Variants in CREB3L2 observed in about 807,000 individuals in gnomAD.
CREB3L2 encodes the protein cyclic AMP-responsive element-binding protein 3-like protein 2.
CREB3L2 carries 23 observed loss-of-function variants against 57.2 expected under a neutral mutation model. The ratio of observed to expected loss-of-function variants is 0.40; its 90% confidence interval spans 0.29 to 0.57. The LOEUF (loss-of-function observed/expected upper bound fraction) is 0.57, where lower values mean the gene tolerates loss of function less well. Among genes scored for constraint, CREB3L2 ranks in the 20% least tolerant of loss-of-function variants. The pLI, the probability that CREB3L2 is intolerant of heterozygous loss-of-function variation, is 0.42. For missense variants in CREB3L2, 628 were observed against 634.7 expected (o/e 0.99, Z 0.11); for synonymous variants, 268 against 265.1 (o/e 1.01, Z -0.11).
At chr7:138,000,024 G>A (rs997919407) in intron 1 of CREB3L2, among the ~76,000 whole-genome samples, 3 of 152,128 alleles carry the variant, frequency 2.0e-5, no homozygotes, top group African/African-American at 4.8e-5. Context: ...GTAGCATCTC[G>A]CACCTTTCCC....
At chr7:137,929,309 T>G (rs936772078) in intron 1 of CREB3L2, among the ~76,000 whole-genome samples, 1 of 152,122 alleles carries the variant, frequency 6.6e-6, no homozygotes, top group South Asian at 2.1e-4. Context: ...GGTATGAGGA[T>G]CTTCAGAGCA....
Position 137,882,549 on chromosome 7 carries a change from C to T in CREB3L2, c.1350G>A (p.Leu450=), listed in dbSNP as rs755146141. The change falls in exon 11 of 12, where the codon CTG becomes CTA. Residue 450 remains leucine (L), a synonymous_variant. Coordinates refer to ENST00000330387, the MANE Select transcript of CREB3L2 (RefSeq NM_194071.4). ...ESSSPGSAGE[L]GGWDRGSSLL... is the part of the protein sequence containing the mutation. ...GGGAGGAACCTCTATCCCAGCCCCCCAGCTCCCCAGCCGAGCCCGGGCTGG... is the reference window on the plus strand; with the variant it reads ...GGGAGGAACCTCTATCCCAGCCCCCTAGCTCCCCAGCCGAGCCCGGGCTGG... 1 of 1,613,822 alleles carries T rather than the reference C, an allele frequency of 6.2e-7. No individual in the cohort carries two copies. The highest frequency in any genetic ancestry group is 1.7e-5 in the Admixed American group (1 of 60,020).
intron 2 of CREB3L2, among the ~76,000 whole-genome samples, chr7:137,916,864 C>T (rs1014373727): frequency 6.6e-5 from 10 of 152,126 alleles, no homozygotes; most frequent in Non-Finnish European, 1.3e-4. Flanking sequence ...TGGTAACCAA[C>T]GGGAGAAGAT....
chr7:137,939,451 C>A (rs906114738), intron 1 of CREB3L2, among the ~76,000 whole-genome samples: 3 of 152,206 alleles, frequency 2.0e-5, no homozygotes, highest in African/African-American at 7.2e-5. Context: ...GCAATCTCCT[C>A]ATGTCAATGA....
intron 1 of CREB3L2, among the ~76,000 whole-genome samples, chr7:137,974,638 A>C (rs547660569): frequency 9.9e-5 from 15 of 152,212 alleles, no homozygotes; most frequent in Admixed American, 7.2e-4. Context: ...AAAGACAGGG[A>C]TAGCTCAGTT....
intron 8 of CREB3L2, among the ~76,000 whole-genome samples, chr7:137,894,350 G>A (rs147803593): frequency 3.8e-4 from 58 of 152,252 alleles, no homozygotes; most frequent in Non-Finnish European, 6.9e-4. Flanking sequence ...TCTGTCTACT[G>A]AGCAATAGAA....
chr7:137,880,373 T>G lies in CREB3L2; in HGVS notation c.*103A>C. ...CTGAAGCCACTAATGCTTGCCCATG[T>G]CTCCATGAAGATCCAGTGGCAAAGA... is the stretch of plus-strand genomic sequence containing the variant. On this transcript the variant is annotated 3_prime_UTR_variant, in exon 12 of 12. Coordinates refer to ENST00000330387, the MANE Select transcript of CREB3L2 (RefSeq NM_194071.4). This position sits in a 1 kb window ranked among gnomAD's most constrained non-coding sequence, Gnocchi z 4.0. The G allele has an allele frequency of 1.1e-6, 1 of 925,752 alleles. No individual in the cohort carries two copies. Among genetic ancestry groups the G allele is most frequent in the Non-Finnish European group, 1.7e-6 (1 of 579,192 alleles). The allele number at this position is 925,752 out of a possible 1,614,324, so 57.3% of individuals were successfully genotyped here.
chr7:137,970,733 G>A (rs74641421), intron 1 of CREB3L2, among the ~76,000 whole-genome samples: 1,708 of 152,340 alleles, frequency 0.011, 32 homozygotes, highest in African/African-American at 0.038. Flanking sequence ...ATGACTGGCA[G>A]TGTGGCCCAG....
chr7:137,897,589 T>C (rs1799654353), intron 8 of CREB3L2, among the ~76,000 whole-genome samples: 1 of 152,124 alleles, frequency 6.6e-6, no homozygotes, highest in African/African-American at 2.4e-5. Flanking sequence ...AGGTGATCTC[T>C]GACCAACAGG....
At chr7:137,966,436 A>G (rs1338853403) in intron 1 of CREB3L2, among the ~76,000 whole-genome samples, 1 of 152,202 alleles carries the variant, frequency 6.6e-6, no homozygotes, top group African/African-American at 2.4e-5. Context: ...AGGGAGAAGG[A>G]GGAGCACTAT....
chr7:137,991,010 G>T (rs1260085446), intron 1 of CREB3L2, among the ~76,000 whole-genome samples: 1 of 151,486 alleles, frequency 6.6e-6, no homozygotes, highest in Non-Finnish European at 1.5e-5. Flanking sequence ...TCTTTATTTT[G>T]TCTGGGTTTC....
At chr7:138,000,378 A>G (rs1346670851) in intron 1 of CREB3L2, among the ~76,000 whole-genome samples, 1 of 152,184 alleles carries the variant, frequency 6.6e-6, no homozygotes, top group Non-Finnish European at 1.5e-5. Context: ...CAGCAAGCAA[A>G]GCCCAGAAGA....
intron 1 of CREB3L2, among the ~76,000 whole-genome samples, chr7:137,971,463 A>T (rs1187816512): frequency 6.6e-6 from 1 of 151,710 alleles, no homozygotes; most frequent in Non-Finnish European, 1.5e-5. Flanking sequence ...AAAAAAAAAA[A>T]AATTTTGGAT....
rs117266653 is a variant in CREB3L2 at position 137,967,696 on chromosome 7, G to A, written c.102+33908C>T. 1.9e-3 allele frequency among the ~76,000 whole-genome samples: 292 copies of A among 152,228 alleles called. 2 individuals carry two copies. The highest frequency in any genetic ancestry group is 3.6e-3 in the Non-Finnish European group (244 of 68,018). Reference sequence around the variant, plus strand: ...GAACTGGAGTGTTCCTGTGGCCCCTGCTCCCGATCGCTGGAAACTGACTCA... The same window carrying A: ...GAACTGGAGTGTTCCTGTGGCCCCTACTCCCGATCGCTGGAAACTGACTCA... On this transcript the variant is annotated intron_variant, in intron 1 of 11. Coordinates refer to ENST00000330387, the MANE Select transcript of CREB3L2 (RefSeq NM_194071.4).
Position 138,001,110 on chromosome 7 carries a change from C to CACACAA in CREB3L2, c.102+493_102+494insTTGTGT, listed in dbSNP as rs1486821748. On this transcript the variant is annotated intron_variant, in intron 1 of 11. Transcript: ENST00000330387. The surrounding 1 kb of genome is among the most constrained non-coding windows in gnomAD (Gnocchi z 4.2). ...ACACACACACACACACACACACACA[C>CACACAA]ACACACACACACACACGTGTACTTT... Among the ~76,000 whole-genome samples, 1 of 148,976 alleles carries CACACAA rather than the reference C, an allele frequency of 6.7e-6. No homozygotes were observed. The highest frequency in any genetic ancestry group is 1.5e-5 in the Non-Finnish European group (1 of 67,832).
chr7:137,934,186 A>G (rs191705554), intron 1 of CREB3L2, among the ~76,000 whole-genome samples: 13 of 152,310 alleles, frequency 8.5e-5, no homozygotes, highest in African/African-American at 3.1e-4. Context: ...CTTTTAGTCC[A>G]TTGTCCAAGA....
At chr7:137,976,454 G>C (rs930645229) in intron 1 of CREB3L2, among the ~76,000 whole-genome samples, 1 of 144,904 alleles carries the variant, frequency 6.9e-6, no homozygotes, top group Non-Finnish European at 1.5e-5. Flanking sequence ...AAGTGGTTAT[G>C]TTTGTTTTTT....
Position 137,995,333 on chromosome 7 carries a change from C to CTTTTTTTTTTTTTTTTTTTTTTTTTT in CREB3L2, c.102+6270_102+6271insAAAAAAAAAAAAAAAAAAAAAAAAAA, listed in dbSNP as rs10676214. ...CTATTTCTTTTTTTTTCTTTTCTTTCTTTTTTTTTTTTTTTTTTTGAGACA... is the reference window on the plus strand; with the variant it reads ...CTATTTCTTTTTTTTTCTTTTCTTTCTTTTTTTTTTTTTTTTTTTTTTTTTTTTTTTTTTTTTTTTTTTTTGAGACA... On this transcript the variant is annotated intron_variant, in intron 1 of 11. Coordinates refer to ENST00000330387, the MANE Select transcript of CREB3L2 (RefSeq NM_194071.4). Among the ~76,000 whole-genome samples, 260 of 87,426 alleles carry CTTTTTTTTTTTTTTTTTTTTTTTTTT rather than the reference C, an allele frequency of 3.0e-3. 8 individuals carry two copies. The highest frequency in any genetic ancestry group is 3.7e-3 in the Non-Finnish European group (184 of 50,260). 57.4% of individuals were successfully genotyped at this position (87,426 alleles called of 152,430 possible). A position where few individuals can be genotyped will look rare whatever the true frequency, so the allele number is the denominator to read the frequency against.
chr7:137,946,673 T>C (rs1407750585), intron 1 of CREB3L2, among the ~76,000 whole-genome samples: 1 of 149,238 alleles, frequency 6.7e-6, no homozygotes, highest in East Asian at 1.9e-4. Context: ...ATATATAAGC[T>C]ATATATATAA....
Sources: gnomAD v4.1 joint callset for allele counts (sites outside exome capture counted in the v4.1 genomes callset) on GRCh38, gnomAD v4.1.1 for gene constraint, Gnocchi (gnomAD v3.1) non-coding constraint, MANE v1.5 for transcripts, NCBI Gene and HGNC (gene_info 2026-07-23, HGNC 2026-07-21) for gene names.